The following ECPAS variants were observed in gnomAD, a reference collection of about 807,000 sequenced individuals.
The protein encoded by ECPAS is Ecm29 proteasome adaptor and scaffold.
ECPAS carries 70 observed loss-of-function variants against 255.1 expected under a neutral mutation model. The ratio of observed to expected loss-of-function variants is 0.27; its 90% CI spans 0.23 to 0.33. The LOEUF (loss-of-function observed/expected upper bound fraction) is 0.33, where lower values mean the gene tolerates loss of function less well. ECPAS is among the 10% of genes least tolerant of loss of function. ECPAS has a pLI of 1.00. For synonymous variants in ECPAS, 784 were observed against 775.0 expected (o/e 1.01, Z -0.19); for missense variants, 1,817 against 2,206.4 (o/e 0.82, Z 3.54).
chr9:111,378,648 C>G lies in ECPAS; in HGVS notation c.3886G>C (p.Glu1296Gln). The change falls in exon 36 of 50, where the codon GAG becomes CAG. Residue 1296 changes from glutamate to glutamine, a missense_variant. Glu to Gln is a conservative substitution (Grantham distance 29). Around this residue, in one of 4 missense-constraint regions of ECPAS, gnomAD observed 960 missense variants for 1,179.0 expected, o/e 0.81. Coordinates refer to ENST00000684092, the MANE Select transcript of ECPAS (RefSeq NM_001364929.1). ...HAPKLIPALL[E>Q]SLSVLEPQVL... ...TGGGGCTCCAATACACTTAAGGACT[C>G]TAGCAGAGCTGGAATGAGTTTTGGT... 6.2e-7 allele frequency: 1 copy of G among 1,613,886 alleles called. No homozygotes were observed. Among genetic ancestry groups the G allele is most frequent in the Non-Finnish European group, 8.5e-7 (1 of 1,179,774 alleles).
chr9:111,474,917 CT>C (rs2098294367), intron 1 of ECPAS, among the ~76,000 whole-genome samples: 1 of 152,184 alleles, frequency 6.6e-6, no homozygotes, highest in Non-Finnish European at 1.5e-5. Flanking sequence ...AGCTGATCCC[CT>C]TTCCCAGTAC....
chr9:111,386,393 G>A lies in ECPAS; in HGVS notation c.3511C>T (p.Arg1171Ter), dbSNP rs1303956469. 1.9e-6 allele frequency: 3 copies of A among 1,597,948 alleles called. No homozygotes were observed. The highest frequency in any genetic ancestry group is 1.7e-6 in the Non-Finnish European group (2 of 1,167,304). The change falls in exon 32 of 50, where the codon CGA becomes TGA. Residue 1171 changes from arginine (R) to a stop codon, truncating the protein, a stop_gained. Transcript: ENST00000684092. LOFTEE classifies it high-confidence loss of function. ...AAACGGTACCTGGATTCTCGAACTC[G>A]CCACATATTGCTTGTAAGGTTCTTA... Reference protein sequence around the residue: ...LVKNLTSNMWRVRESSCLALN... With the variant: ...LVKNLTSNMW
intron 49 of ECPAS, among the ~76,000 whole-genome samples, chr9:111,363,114 C>A (rs2098115878): frequency 6.6e-6 from 1 of 151,500 alleles, no homozygotes; most frequent in Non-Finnish European, 1.5e-5. Flanking sequence ...AGTTCCCCCC[C>A]ACCCCACCCA....
chr9:111,417,200 C>T (rs977330463), intron 17 of ECPAS, among the ~76,000 whole-genome samples: 68 of 151,770 alleles, frequency 4.5e-4, no homozygotes, highest in African/African-American at 1.5e-3. Flanking sequence ...GACCACACCA[C>T]TGCACTCTAG....
At chr9:111,406,305 A>C (rs770697253) in intron 24 of ECPAS, among the ~76,000 whole-genome samples, 10 of 149,752 alleles carry the variant, frequency 6.7e-5, no homozygotes, top group Non-Finnish European at 1.2e-4. Flanking sequence ...CTTGTATGTG[A>C]GAAAACTGAT....
chr9:111,422,253 A>T (rs2098215190), intron 13 of ECPAS, 53 bp from the exon 14 acceptor site: 1 of 1,550,598 alleles, frequency 6.4e-7, no homozygotes, highest in South Asian at 1.1e-5. Flanking sequence ...AAGAGATGAA[A>T]AAGGGAAAAA....
chr9:111,371,892 C>A, intron 42 of ECPAS, 63 bp from the exon 43 acceptor site: 1 of 1,408,968 alleles, frequency 7.1e-7, no homozygotes, highest in Non-Finnish European at 9.9e-7. Flanking sequence ...TTTTCTAAAC[C>A]TGAAAAAAAG....
At chr9:111,444,708 C>T (rs1174346132) in intron 3 of ECPAS, among the ~76,000 whole-genome samples, 2 of 152,148 alleles carry the variant, frequency 1.3e-5, no homozygotes, top group Non-Finnish European at 2.9e-5. Flanking sequence ...TAGTGAATTT[C>T]TCTTTTTCTT....
At chr9:111,419,812 TATAG>T (rs1161045113) in intron 16 of ECPAS, among the ~76,000 whole-genome samples, 1 of 149,614 alleles carries the variant, frequency 6.7e-6, no homozygotes, top group Non-Finnish European at 1.5e-5. Context: ...ATGTATATTA[TATAG>T]ATATATACAT....
At chr9:111,367,400 T>C (rs2098121705) in intron 46 of ECPAS, among the ~76,000 whole-genome samples, 1 of 152,224 alleles carries the variant, frequency 6.6e-6, no homozygotes. Context: ...AGAAAAGGCC[T>C]TGGTTCTCAA....
chr9:111,361,959 G>A lies in ECPAS; in HGVS notation c.*71C>T. 1 of 1,536,466 alleles carries A rather than the reference G, an allele frequency of 6.5e-7. No individual in the cohort carries two copies. The highest frequency in any genetic ancestry group is 8.8e-7 in the Non-Finnish European group (1 of 1,137,632). ...GATTAATCTTTACTTTTTCCCACTT[G>A]GTTTTTCAAAGAACACCACCACTTC... On this transcript the variant is annotated 3_prime_UTR_variant, in exon 50 of 50. Coordinates refer to ENST00000684092, the MANE Select transcript of ECPAS (RefSeq NM_001364929.1).
chr9:111,406,033 G>A (rs2098183449), intron 24 of ECPAS, among the ~76,000 whole-genome samples: 1 of 149,726 alleles, frequency 6.7e-6, no homozygotes, highest in Admixed American at 6.6e-5. Flanking sequence ...ATATCCAGAA[G>A]AAAGAAAATC....
rs373712034 is a variant in ECPAS at position 111,365,790 on chromosome 9, G to A, written c.5308+449C>T. The A allele has an allele frequency of 2.2e-4, 35 of 156,304 alleles. No homozygotes were observed. In the East Asian group the frequency reaches 4.7e-3, roughly 21 times the overall value. The allele number at this position is 156,304 out of a possible 1,614,324, so 9.7% of individuals were successfully genotyped here. A position where few individuals can be genotyped will look rare whatever the true frequency, so the allele number is the denominator to read the frequency against. On this transcript the variant is annotated intron_variant, in intron 48 of 49. Transcript: ENST00000684092. ...ACTACCTAAAGTTGACAACTGTACC[G>A]TGGCACACTAAATAATTGAGGAACA...
intron 3 of ECPAS, among the ~76,000 whole-genome samples, chr9:111,445,387 G>C (rs2098251572): frequency 1.3e-5 from 2 of 151,880 alleles, no homozygotes; most frequent in Non-Finnish European, 2.9e-5. Context: ...ACAGATTATT[G>C]CAACACACCA....
chr9:111,452,899 G>C (rs1014221084), intron 2 of ECPAS, among the ~76,000 whole-genome samples: 2 of 152,090 alleles, frequency 1.3e-5, no homozygotes, highest in African/African-American at 4.8e-5. Flanking sequence ...TAGGGATTGG[G>C]GCAGGTCAAA....
At chr9:111,408,066 T>C (rs949744941) in intron 24 of ECPAS, among the ~76,000 whole-genome samples, 3 of 152,124 alleles carry the variant, frequency 2.0e-5, no homozygotes, top group Admixed American at 1.3e-4. Context: ...AAGAGGCTGG[T>C]ATACAGAAAG....
At chr9:111,446,413 G>A (rs544025469) in intron 3 of ECPAS, among the ~76,000 whole-genome samples, 1 of 152,126 alleles carries the variant, frequency 6.6e-6, no homozygotes, top group Admixed American at 6.5e-5. Context: ...ATTCTGCAGG[G>A]CCAGGTTTAC....
At chr9:111,372,727 T>C in intron 41 of ECPAS, 107 bp from the exon 42 acceptor site, 1 of 889,036 alleles carries the variant, frequency 1.1e-6, no homozygotes, top group South Asian at 1.9e-5. Flanking sequence ...ACAGGTAAAA[T>C]CAATTAGAAA....
In ECPAS at chr9:111,484,296, G is replaced by C. The variant is rs768028586; in HGVS notation, c.-263C>G. 1.3e-5 allele frequency: 20 copies of C among 1,552,734 alleles called. No homozygotes were observed. In the African/African-American group the frequency reaches 1.7e-4, roughly 13 times the overall value. ...GGGGGAAATCCTCGAGGCGGGGCCGGAGCGCCCTTTTCCGAGGTCTGCGGC... is the reference window on the plus strand; with the variant it reads ...GGGGGAAATCCTCGAGGCGGGGCCGCAGCGCCCTTTTCCGAGGTCTGCGGC... On this transcript the variant is annotated 5_prime_UTR_variant, in exon 1 of 50. Transcript: ENST00000684092.
Sources: gnomAD v4.1 joint callset for allele counts (sites outside exome capture counted in the v4.1 genomes callset) on GRCh38, gnomAD v4.1.1 for gene constraint, gnomAD v4.1.1 regional missense constraint, MANE v1.5 for transcripts, NCBI Gene and HGNC (gene_info 2026-07-23, HGNC 2026-07-21) for gene names.